The following PIK3C2G variants were observed in gnomAD, a reference collection of about 807,000 sequenced individuals.
PIK3C2G encodes the protein phosphatidylinositol-4-phosphate 3-kinase catalytic subunit type 2 gamma.
PIK3C2G carries 168 observed loss-of-function variants against 181.1 expected under a neutral mutation model. The observed-to-expected ratio is 0.93, with a 90% CI of 0.82 to 1.05. The LOEUF (loss-of-function observed/expected upper bound fraction) is 1.05. PIK3C2G is among the 50% of genes least tolerant of loss of function. The probability of loss-of-function intolerance (pLI) is 0.00; values close to 1 mark genes in which losing one functional copy is unlikely to be tolerated. For synonymous variants in PIK3C2G, 573 were observed against 592.2 expected, an observed-to-expected ratio of 0.97 and a Z score of 0.47; for missense variants, 1,869 against 1,732.8, an observed-to-expected ratio of 1.08 and a Z score of -1.40.
chr12:18,589,727 A>G (rs1331765751), intron 29 of PIK3C2G, among the ~76,000 whole-genome samples: 2 of 152,018 alleles, frequency 1.3e-5, no homozygotes. Flanking sequence ...CTCAGAGAAT[A>G]CAATTTGTTT....
intron 15 of PIK3C2G, among the ~76,000 whole-genome samples, chr12:18,392,154 A>G (rs1943577237): frequency 6.6e-6 from 1 of 152,148 alleles, no homozygotes; most frequent in Non-Finnish European, 1.5e-5. Context: ...AGAAGTGGCT[A>G]GATTTGGGAG....
At chr12:18,280,499 A>G (rs1029180532) in intron 1 of PIK3C2G, among the ~76,000 whole-genome samples, 4 of 152,010 alleles carry the variant, frequency 2.6e-5, no homozygotes, top group Admixed American at 2.6e-4. Flanking sequence ...CCCTGGGAAA[A>G]TGTCAGTTAT....
intron 18 of PIK3C2G, among the ~76,000 whole-genome samples, chr12:18,437,049 A>G (rs1450763708): frequency 6.6e-6 from 1 of 151,742 alleles, no homozygotes; most frequent in African/African-American, 2.4e-5. Flanking sequence ...ACAGTTTCTG[A>G]TTTTTTCTGG....
In PIK3C2G at chr12:18,282,350, C is replaced by A; in HGVS notation, c.269C>A (p.Thr90Asn). The change falls in exon 2 of 33, where the codon ACT (threonine) becomes AAT (asparagine). Residue 90 changes from threonine to asparagine, a missense_variant. Transcript: ENST00000538779. ...CACCAAATATCCTTGAATGAATTCA[C>A]TTCTAAAAGCCGTGAACTCTCCTGG... The part of the protein sequence containing the change: ...EAHQISLNEF[T>N]SKSRELSWHQ... The A allele has an allele frequency of 6.2e-7, 1 of 1,613,678 alleles. No homozygotes were observed. Among genetic ancestry groups the A allele is most frequent in the Non-Finnish European group, 8.5e-7 (1 of 1,179,690 alleles).
At chr12:18,267,949 A>G (rs1354774307) in intron 1 of PIK3C2G, among the ~76,000 whole-genome samples, 1 of 152,224 alleles carries the variant, frequency 6.6e-6, no homozygotes, top group Non-Finnish European at 1.5e-5. Flanking sequence ...GAACGCATGT[A>G]GAAAGCTAAG....
At chr12:18,709,602 C>T in the PIK3C2G span, among the ~76,000 whole-genome samples, 1 of 151,824 alleles carries the variant, frequency 6.6e-6, no homozygotes, top group Non-Finnish European at 1.5e-5. Context: ...TACACTGTAG[C>T]CTAGTATAGT....
chr12:18,680,286 A>T, the PIK3C2G span, among the ~76,000 whole-genome samples: 1 of 151,858 alleles, frequency 6.6e-6, no homozygotes, highest in Non-Finnish European at 1.5e-5. Flanking sequence ...TGACTCCCAA[A>T]TTTCCTGAGA....
intron 23 of PIK3C2G, 101 bp downstream of exon 23, chr12:18,503,518 T>TAA: frequency 3.9e-6 from 3 of 778,046 alleles, no homozygotes; most frequent in Non-Finnish European, 3.8e-6. Context: ...TAAGTGCACT[T>TAA]TGAGTTCTAA....
chr12:18,331,367 C>T lies in PIK3C2G; in HGVS notation c.1272+6269C>T, dbSNP rs1402901307. On this transcript the variant is annotated intron_variant, in intron 8 of 32. Coordinates refer to ENST00000538779, the MANE Select transcript of PIK3C2G (RefSeq NM_001288772.2). The stretch of plus-strand genomic sequence containing the variant: ...TCTTAAATCACTCAGCAATGCTTTA[C>T]AATTTAGCATAGAGATTATGCATAG... 3.3e-5 allele frequency among the ~76,000 whole-genome samples: 5 copies of T among 152,096 alleles called. No individual in the cohort carries two copies. The East Asian group carries it at 9.6e-4, about 29-fold the overall frequency.
intron 15 of PIK3C2G, among the ~76,000 whole-genome samples, chr12:18,396,520 G>GAA (rs573944724): frequency 6.7e-6 from 1 of 148,832 alleles, no homozygotes; most frequent in African/African-American, 2.5e-5. Flanking sequence ...CACACAATGT[G>GAA]AAAAAAAAAT....
chr12:18,271,750 T>A (rs1242723981), intron 1 of PIK3C2G, among the ~76,000 whole-genome samples: 10 of 152,212 alleles, frequency 6.6e-5, no homozygotes, highest in Non-Finnish European at 1.2e-4. Context: ...AAAAAAGACT[T>A]ATGGAATAAA....
chr12:18,382,459 T>C (rs1313689009), intron 14 of PIK3C2G, among the ~76,000 whole-genome samples: 2 of 152,184 alleles, frequency 1.3e-5, no homozygotes, highest in Admixed American at 1.3e-4. Context: ...GATTGTAGTT[T>C]GTCAGGTTGG....
chr12:18,380,821 A>C (rs1942785838), intron 13 of PIK3C2G, among the ~76,000 whole-genome samples: 2 of 152,228 alleles, frequency 1.3e-5, no homozygotes, highest in South Asian at 4.1e-4. Flanking sequence ...AGAAAGCTTT[A>C]TTTGTTGAAT....
intron 19 of PIK3C2G, among the ~76,000 whole-genome samples, chr12:18,489,159 G>A (rs1325155588): frequency 6.6e-6 from 1 of 151,902 alleles, no homozygotes. Flanking sequence ...ATTTTTCTTG[G>A]AAGAATATTT....
chr12:18,573,493 A>T (rs945683077), intron 29 of PIK3C2G, among the ~76,000 whole-genome samples: 1 of 152,186 alleles, frequency 6.6e-6, no homozygotes, highest in African/African-American at 2.4e-5. Context: ...GTGTGAGTAA[A>T]CACCCACAAC....
chr12:18,381,093 G>C (rs867450390), intron 13 of PIK3C2G, among the ~76,000 whole-genome samples: 1 of 152,096 alleles, frequency 6.6e-6, no homozygotes, highest in Non-Finnish European at 1.5e-5. Flanking sequence ...TGTGGATTTG[G>C]ATGTTACTGA....
At chr12:18,325,208 G>T in intron 8 of PIK3C2G, 110 bp downstream of exon 8, 1 of 443,412 alleles carries the variant, frequency 2.3e-6, no homozygotes, top group Non-Finnish European at 3.9e-6. Flanking sequence ...ATAAAACAGA[G>T]GATCTACACT....
the PIK3C2G span, chr12:18,688,348 GAATAC>G: frequency 2.2e-6 from 2 of 892,058 alleles, no homozygotes; most frequent in Non-Finnish European, 3.3e-6. Context: ...ATTGAAAGTG[GAATAC>G]AATACAAATT....
At chr12:18,375,278 T>A (rs577763294) in intron 13 of PIK3C2G, among the ~76,000 whole-genome samples, 1 of 152,322 alleles carries the variant, frequency 6.6e-6, no homozygotes, top group African/African-American at 2.4e-5. Flanking sequence ...AAGGAACTTA[T>A]TGGGAGCCAA....
Sources: gnomAD v4.1 joint callset for allele counts (sites outside exome capture counted in the v4.1 genomes callset) on GRCh38, gnomAD v4.1.1 for gene constraint, MANE v1.5 for transcripts, NCBI Gene and HGNC (gene_info 2026-07-23, HGNC 2026-07-21) for gene names.